Variants in STK3 observed in about 807,000 individuals in gnomAD.
The protein encoded by STK3 is serine/threonine-protein kinase 3.
A neutral mutation model predicts 58.0 loss-of-function variants in STK3; 41 were observed. The ratio of observed to expected loss-of-function variants is 0.71; its 90% CI spans 0.55 to 0.92. The LOEUF (loss-of-function observed/expected upper bound fraction) is 0.92, where lower values mean the gene tolerates loss of function less well. Ranked by LOEUF, STK3 falls within the 40% of genes least tolerant of loss-of-function variation. STK3 has a pLI of 0.00. For missense variants in STK3, 479 were observed against 602.7 expected (o/e 0.79, Z 2.15); for synonymous variants, 170 against 191.0 (o/e 0.89, Z 0.91).
chr8:98,652,310 C>T (rs879057887), intron 6 of STK3, among the ~76,000 whole-genome samples: 5 of 152,054 alleles, frequency 3.3e-5, no homozygotes, highest in Admixed American at 6.5e-5. Flanking sequence ...CAGGCCTGCC[C>T]TAAAAGAGCT....
intron 6 of STK3, among the ~76,000 whole-genome samples, chr8:98,635,561 T>A (rs1394354304): frequency 1.3e-5 from 2 of 152,166 alleles, no homozygotes; most frequent in African/African-American, 4.8e-5. Context: ...GGATAAAGAA[T>A]ACTTTTGGTT....
At chr8:98,401,620 C>T (rs564110352) in intron 3 of STK3, 12 of 152,326 alleles carry the variant, frequency 7.9e-5, no homozygotes, top group African/African-American at 2.9e-4. Flanking sequence ...TCATATCCCA[C>T]AACAACAATC....
At chr8:98,445,053 C>T (rs1372915230) in intron 1 of STK3, among the ~76,000 whole-genome samples, 1 of 152,040 alleles carries the variant, frequency 6.6e-6, no homozygotes, top group Non-Finnish European at 1.5e-5. Context: ...AGTTCAAAAA[C>T]TTTTATTTTT....
chr8:98,838,347 A>G (rs899556621), intron 3 of STK3, among the ~76,000 whole-genome samples: 1 of 152,192 alleles, frequency 6.6e-6, no homozygotes, highest in Non-Finnish European at 1.5e-5. Context: ...ATTTCTTTTT[A>G]TTCCTGCCTG....
At chr8:98,353,785 T>C in the STK3 span, among the ~76,000 whole-genome samples, 1 of 152,122 alleles carries the variant, frequency 6.6e-6, no homozygotes, top group Non-Finnish European at 1.5e-5. Context: ...ATGTAGTAGA[T>C]ATAGGTATAG....
chr8:98,482,651 C>T (rs2131285781), intron 10 of STK3, among the ~76,000 whole-genome samples: 1 of 152,044 alleles, frequency 6.6e-6, no homozygotes, highest in East Asian at 2.0e-4. Context: ...TGCTTGGTGC[C>T]TAACTCTCCA....
At chr8:98,742,671 C>G (rs1829315280) in intron 4 of STK3, among the ~76,000 whole-genome samples, 1 of 150,388 alleles carries the variant, frequency 6.6e-6, no homozygotes, top group African/African-American at 2.5e-5. Flanking sequence ...AAAACTGGCA[C>G]AAGACAGGGA....
chr8:98,777,382 G>A (rs1831766874), intron 1 of STK3, among the ~76,000 whole-genome samples: 1 of 152,010 alleles, frequency 6.6e-6, no homozygotes, highest in Non-Finnish European at 1.5e-5. Context: ...CAAAACGTTT[G>A]GTGGGCATGA....
intron 2 of STK3, among the ~76,000 whole-genome samples, chr8:98,378,629 T>C (rs1205694234): frequency 2.0e-5 from 3 of 152,226 alleles, no homozygotes; most frequent in Non-Finnish European, 4.4e-5. Flanking sequence ...TGTGAATAAA[T>C]GATAGCTGTT....
intron 1 of STK3, among the ~76,000 whole-genome samples, chr8:98,934,814 G>A (rs1587869606): frequency 6.6e-6 from 1 of 152,274 alleles, no homozygotes; most frequent in East Asian, 1.9e-4. Context: ...TACTCGGGAG[G>A]CTGAGGCAGG....
intron 3 of STK3, among the ~76,000 whole-genome samples, chr8:98,406,225 ATTT>A (rs1478558226): frequency 0.022 from 3 of 138 alleles, no homozygotes; most frequent in Non-Finnish European, 0.052. Flanking sequence ...CCCCCCAGGC[ATTT>A]TATTTTATTT....
intron 7 of STK3, 92 bp downstream of exon 7, chr8:98,595,940 A>T: frequency 7.1e-7 from 1 of 1,407,034 alleles, no homozygotes; most frequent in Non-Finnish European, 9.6e-7. Context: ...ATCTTTAGAA[A>T]TCAGTTATGA....
intron 1 of STK3, among the ~76,000 whole-genome samples, chr8:98,920,220 A>G (rs1245142984): frequency 6.6e-6 from 1 of 152,212 alleles, no homozygotes; most frequent in African/African-American, 2.4e-5. Context: ...TTCCATATGT[A>G]GATTGTTGTA....
chr8:98,869,084 A>G (rs184987742), intron 3 of STK3, among the ~76,000 whole-genome samples: 1 of 144,530 alleles, frequency 6.9e-6, no homozygotes, highest in Non-Finnish European at 1.5e-5. Flanking sequence ...GGAAGGAAGG[A>G]GAGAAAGAGA....
chr8:98,437,309 T>G (rs988418409), intron 1 of STK3: 1 of 152,068 alleles, frequency 6.6e-6, no homozygotes. Context: ...ACACACAGAG[T>G]TGGCAGCACA....
At chr8:98,407,094 G>A (rs1818001248) in intron 3 of STK3, among the ~76,000 whole-genome samples, 1 of 152,234 alleles carries the variant, frequency 6.6e-6, no homozygotes, top group African/African-American at 2.4e-5. Context: ...GGAGCCTGAG[G>A]AGGGATAAAT....
chr8:98,414,154 C>A (rs1435940977), intron 3 of STK3, among the ~76,000 whole-genome samples: 4 of 152,186 alleles, frequency 2.6e-5, no homozygotes, highest in African/African-American at 9.7e-5. Context: ...TTCTCAGCTA[C>A]TCAGGAGGCT....
chr8:98,779,758 C>T (rs61506981), intron 1 of STK3, among the ~76,000 whole-genome samples: 1 of 152,164 alleles, frequency 6.6e-6, no homozygotes, highest in African/African-American at 2.4e-5. Context: ...ACAGCTGCAT[C>T]CTATTCAATT....
At chr8:98,371,680 T>A (rs932253838) in intron 2 of STK3, 9 of 152,254 alleles carry the variant, frequency 5.9e-5, no homozygotes, top group African/African-American at 1.7e-4. Flanking sequence ...TCCCCACACC[T>A]GCAGGAGAAC....
Sources: gnomAD v4.1 joint callset for allele counts (sites outside exome capture counted in the v4.1 genomes callset) on GRCh38, gnomAD v4.1.1 for gene constraint, MANE v1.5 for transcripts, NCBI Gene and HGNC (gene_info 2026-07-23, HGNC 2026-07-21) for gene names.